PRELID2: variants seen among roughly 807,000 people sequenced by gnomAD.
PRELID2 encodes PRELI domain-containing protein 2.
PRELID2 carries 25 observed loss-of-function variants against 28.4 expected under a neutral mutation model. That is an observed-to-expected ratio of 0.88 (90% CI 0.64 to 1.23). The LOEUF (loss-of-function observed/expected upper bound fraction) is 1.23. PRELID2 is among the 50% of genes most tolerant of loss of function. The probability of loss-of-function intolerance (pLI) is 0.00; values close to 1 mark genes in which losing one functional copy is unlikely to be tolerated. For synonymous variants in PRELID2, 76 were observed against 71.6 expected, an observed-to-expected ratio of 1.06 and a Z score of -0.31; for missense variants, 201 against 214.4, an observed-to-expected ratio of 0.94 and a Z score of 0.39.
chr5:145,614,416 G>C (rs1017169456), intron 1 of PRELID2, among the ~76,000 whole-genome samples: 5 of 152,200 alleles, frequency 3.3e-5, no homozygotes, highest in African/African-American at 1.2e-4. Flanking sequence ...TGGCAGTATG[G>C]TCATTGTCAC....
At chr5:145,296,622 T>C in the PRELID2 span, among the ~76,000 whole-genome samples, 2 of 152,206 alleles carry the variant, frequency 1.3e-5, no homozygotes, top group Non-Finnish European at 2.9e-5. Flanking sequence ...TCCAAGTCTT[T>C]GCCATTGTGA....
chr5:145,314,096 A>AGTG, the PRELID2 span, among the ~76,000 whole-genome samples: 7 of 152,300 alleles, frequency 4.6e-5, no homozygotes, highest in Admixed American at 1.3e-4. Flanking sequence ...TAGTCAGGGA[A>AGTG]ACATTTGAAG....
chr5:145,298,293 C>A, the PRELID2 span, among the ~76,000 whole-genome samples: 1 of 152,090 alleles, frequency 6.6e-6, no homozygotes, highest in African/African-American at 2.4e-5. Context: ...TGGAACAGAA[C>A]AGAGCCCTCA....
At chr5:145,589,160 G>A (rs1753193118) in intron 1 of PRELID2, among the ~76,000 whole-genome samples, 1 of 152,066 alleles carries the variant, frequency 6.6e-6, no homozygotes, top group South Asian at 2.1e-4. Context: ...AATTTTCAAT[G>A]GGTGCATAAC....
chr5:145,288,951 T>G, the PRELID2 span, among the ~76,000 whole-genome samples: 2 of 152,172 alleles, frequency 1.3e-5, no homozygotes, highest in South Asian at 4.1e-4. Flanking sequence ...GGCAACAATT[T>G]TTTCAACTAA....
At chr5:145,271,230 T>C in the PRELID2 span, among the ~76,000 whole-genome samples, 1 of 152,022 alleles carries the variant, frequency 6.6e-6, no homozygotes, top group Non-Finnish European at 1.5e-5. Flanking sequence ...TAAGGCAAAT[T>C]CTACACTTAT....
At chr5:145,259,397 A>G in the PRELID2 span, among the ~76,000 whole-genome samples, 1 of 152,172 alleles carries the variant, frequency 6.6e-6, no homozygotes, top group Non-Finnish European at 1.5e-5. Context: ...AGGCCTTAAA[A>G]TTAGCACCAG....
the PRELID2 span, among the ~76,000 whole-genome samples, chr5:145,251,499 G>T: frequency 4.6e-5 from 7 of 152,092 alleles, no homozygotes; most frequent in African/African-American, 1.7e-4. Context: ...TAATTTGCAG[G>T]CACTACAAAT....
intron 1 of PRELID2, among the ~76,000 whole-genome samples, chr5:145,608,162 G>A (rs1753537098): frequency 6.6e-6 from 1 of 151,912 alleles, no homozygotes; most frequent in African/African-American, 2.4e-5. Flanking sequence ...TGTGAAGTGA[G>A]TCACTTATAG....
the PRELID2 span, among the ~76,000 whole-genome samples, chr5:145,412,329 A>G: frequency 6.6e-6 from 1 of 152,180 alleles, no homozygotes; most frequent in African/African-American, 2.4e-5. Flanking sequence ...TAAATCATTT[A>G]TCTCAAGTTC....
the PRELID2 span, among the ~76,000 whole-genome samples, chr5:145,359,990 A>G: frequency 6.6e-6 from 1 of 152,326 alleles, no homozygotes; most frequent in South Asian, 2.1e-4. Flanking sequence ...TCCTGAGGGA[A>G]TGGCTACATT....
chr5:145,545,484 T>C (rs997482584), intron 1 of PRELID2, among the ~76,000 whole-genome samples: 10 of 151,722 alleles, frequency 6.6e-5, no homozygotes, highest in Non-Finnish European at 1.5e-4. Flanking sequence ...AAGTAAAACA[T>C]GATACTTCAA....
chr5:145,475,683 G>A (rs1752094218), intron 1 of PRELID2, among the ~76,000 whole-genome samples: 1 of 152,098 alleles, frequency 6.6e-6, no homozygotes, highest in Admixed American at 6.6e-5. Flanking sequence ...TTTATTTCTT[G>A]TTTGAAAAGA....
chr5:145,697,972 G>A (rs546668284), intron 1 of PRELID2, among the ~76,000 whole-genome samples: 1 of 150,620 alleles, frequency 6.6e-6, no homozygotes. Flanking sequence ...AACTGTGATT[G>A]TCCTAATGTC....
At chr5:145,578,927 G>A (rs1170788137) in intron 1 of PRELID2, among the ~76,000 whole-genome samples, 1 of 152,086 alleles carries the variant, frequency 6.6e-6, no homozygotes, top group Non-Finnish European at 1.5e-5. Context: ...TAGTGGTAGA[G>A]CTGGGACTTG....
At chr5:145,596,761 T>G (rs1430897760) in intron 1 of PRELID2, among the ~76,000 whole-genome samples, 1 of 152,182 alleles carries the variant, frequency 6.6e-6, no homozygotes, top group South Asian at 2.1e-4. Flanking sequence ...GAAGTCAGTC[T>G]TCAAAATACA....
intron 1 of PRELID2, among the ~76,000 whole-genome samples, chr5:145,642,609 G>C (rs1754125819): frequency 6.6e-6 from 1 of 152,164 alleles, no homozygotes; most frequent in Non-Finnish European, 1.5e-5. Context: ...GTCCTGAATG[G>C]TATTGCCTAG....
At chr5:145,455,830 C>T in the PRELID2 span, among the ~76,000 whole-genome samples, 1 of 152,192 alleles carries the variant, frequency 6.6e-6, no homozygotes, top group Non-Finnish European at 1.5e-5. Context: ...GGTGAGGCGA[C>T]ACCCCTCCCT....
intron 1 of PRELID2, among the ~76,000 whole-genome samples, chr5:145,513,434 G>A (rs1752483908): frequency 6.6e-6 from 1 of 151,908 alleles, no homozygotes; most frequent in Non-Finnish European, 1.5e-5. Context: ...GACAAGCTTA[G>A]AGAAAAAAGA....
Sources: gnomAD v4.1 joint callset for allele counts (sites outside exome capture counted in the v4.1 genomes callset) on GRCh38, gnomAD v4.1.1 for gene constraint, MANE v1.5 for transcripts, NCBI Gene and HGNC (gene_info 2026-07-23, HGNC 2026-07-21) for gene names.